Variants in ESRRB observed in about 807,000 individuals in gnomAD.
The protein encoded by ESRRB is estrogen related receptor beta, also known as steroid hormone receptor ERR2.
A neutral mutation model predicts 46.0 loss-of-function variants in ESRRB; 16 were observed. The ratio of observed to expected loss-of-function variants is 0.35; its 90% confidence interval spans 0.24 to 0.53. The LOEUF (loss-of-function observed/expected upper bound fraction) is 0.53, where lower values mean the gene tolerates loss of function less well. Ranked by LOEUF, ESRRB falls within the 20% of genes least tolerant of loss-of-function variation. The pLI, the probability that ESRRB is intolerant of heterozygous loss-of-function variation, is 0.93. For synonymous variants in ESRRB, 246 were observed against 259.6 expected (o/e 0.95, Z 0.50); for missense variants, 488 against 607.4 (o/e 0.80, Z 2.07).
chr14:76,470,618 G>A (rs973154194), intron 3 of ESRRB, among the ~76,000 whole-genome samples: 4 of 152,228 alleles, frequency 2.6e-5, no homozygotes, highest in South Asian at 2.1e-4. Context: ...CAGCTAAAAC[G>A]TTGTTGGTAT....
chr14:76,466,454 TA>T (rs1373861813), intron 3 of ESRRB, among the ~76,000 whole-genome samples: 1 of 152,134 alleles, frequency 6.6e-6, no homozygotes, highest in Admixed American at 6.6e-5. Flanking sequence ...CTCAGGGATC[TA>T]AGCTTTTCAG....
intron 2 of ESRRB, among the ~76,000 whole-genome samples, chr14:76,448,508 T>TC (rs1888249117): frequency 6.6e-6 from 1 of 150,692 alleles, no homozygotes; most frequent in South Asian, 2.1e-4. Context: ...TTGTATTTTT[T>TC]TTTTTTTAGT....
chr14:76,422,971 T>C (rs1887035554), intron 1 of ESRRB, among the ~76,000 whole-genome samples: 1 of 152,182 alleles, frequency 6.6e-6, no homozygotes, highest in Non-Finnish European at 1.5e-5. Context: ...ACGAATTACA[T>C]TGATTTTGTG....
intron 2 of ESRRB, among the ~76,000 whole-genome samples, chr14:76,449,513 G>T (rs922168717): frequency 1.1e-4 from 16 of 151,616 alleles, no homozygotes; most frequent in Middle Eastern, 3.4e-3. Flanking sequence ...ATCACACACT[G>T]CACTCCAGCC....
chr14:76,365,212 C>T (rs1398266158), intron 1 of ESRRB, among the ~76,000 whole-genome samples: 3 of 152,212 alleles, frequency 2.0e-5, no homozygotes, highest in Non-Finnish European at 4.4e-5. Context: ...TGGTGGCTCA[C>T]GCCTGTCATC....
upstream of ESRRB, among the ~76,000 whole-genome samples, chr14:76,372,065 G>C (rs1297618484): frequency 6.6e-6 from 1 of 152,184 alleles, no homozygotes; most frequent in Non-Finnish European, 1.5e-5. Context: ...GAGTTGCTGT[G>C]CTGGGTTAGA....
rs1889838007 is a variant in ESRRB, at chr14:76,482,267, A to G, written c.688+141A>G. The G allele has an allele frequency of 6.7e-6, 5 of 748,934 alleles. No homozygotes were observed. Among genetic ancestry groups the G allele is most frequent in the Non-Finnish European group, 1.2e-5 (5 of 429,752 alleles). 46.4% of individuals were successfully genotyped at this position (748,934 alleles called of 1,614,324 possible). A position where few individuals can be genotyped will look rare whatever the true frequency, so the allele number is the denominator to read the frequency against. On this transcript the variant is annotated intron_variant, in intron 4 of 6. Transcript: ENST00000644823. The surrounding 1 kb of genome is among the most constrained non-coding windows in gnomAD (Gnocchi z 4.3). ...GGGAGGTGACATCAGTGCCTGGCAC[A>G]TTTAGAATGTGGCTCCAAATGAAGC... is the stretch of plus-strand genomic sequence containing the variant.
At chr14:76,345,125 G>A (rs137919118) in intron 1 of ESRRB, among the ~76,000 whole-genome samples, 27 of 152,224 alleles carry the variant, frequency 1.8e-4, no homozygotes, top group Non-Finnish European at 3.8e-4. Flanking sequence ...CTAGACATTC[G>A]CTTAGGTAAA....
At chr14:76,356,408 A>G (rs901167231) in intron 1 of ESRRB, among the ~76,000 whole-genome samples, 1 of 152,238 alleles carries the variant, frequency 6.6e-6, no homozygotes, top group Non-Finnish European at 1.5e-5. Context: ...TTTACAGATA[A>G]GGAGACTGCG....
chr14:76,321,130 AT>A lies in ESRRB; in HGVS notation c.2+10216del, dbSNP rs1407702079. 2.0e-5 allele frequency among the ~76,000 whole-genome samples: 3 copies of A among 152,198 alleles called. No individual in the cohort carries two copies. The East Asian group carries it at 5.8e-4, about 29-fold the overall frequency. On this transcript the variant is annotated intron_variant, in intron 1 of 6. Coordinates refer to the ESRRB transcript ENST00000512784. ...ACTGTGTCTAACTTATTTCTTACATATTCTCCCGTAAGTCCTTAACTCTATT... is the reference window on the plus strand; with the variant it reads ...ACTGTGTCTAACTTATTTCTTACATATCTCCCGTAAGTCCTTAACTCTATT...
chr14:76,373,782 T>C (rs1354773234), upstream of ESRRB, among the ~76,000 whole-genome samples: 3 of 152,218 alleles, frequency 2.0e-5, no homozygotes, highest in Non-Finnish European at 4.4e-5. Context: ...GACAATCAGC[T>C]AGTGCCCAGA....
chr14:76,454,030 T>C (rs1387889759), intron 2 of ESRRB, among the ~76,000 whole-genome samples: 2 of 152,140 alleles, frequency 1.3e-5, no homozygotes, highest in Non-Finnish European at 2.9e-5. Context: ...CCAGAGTTGA[T>C]TAAATACACA....
intron 1 of ESRRB, among the ~76,000 whole-genome samples, chr14:76,437,178 G>T (rs778369976): frequency 2.0e-5 from 3 of 152,016 alleles, no homozygotes; most frequent in African/African-American, 7.2e-5. Context: ...ACTACAGGCC[G>T]GCGCCACCAT....
At position 76,332,721 on chromosome 14, in the gene ESRRB, ATATATATTTATATAT is replaced by A. The variant is rs1420900381; in HGVS notation, c.2+21828_2+21842del. On this transcript the variant is annotated intron_variant, in intron 1 of 6. Transcript: ENST00000512784. ...TATATATTATATATATTTATATATT[ATATATATTTATATAT>A]TATATATTTATATATTATATATAAA... is the stretch of plus-strand genomic sequence containing the variant. Among the ~76,000 whole-genome samples, 54 of 25,172 alleles carry A rather than the reference ATATATATTTATATAT, an allele frequency of 2.1e-3. 1 individual carries two copies. Among genetic ancestry groups the A allele is most frequent in the African/African-American group, 0.01 (50 of 4,800 alleles). The allele number at this position is 25,172 out of a possible 152,430, so 16.5% of individuals were successfully genotyped here.
intron 1 of ESRRB, among the ~76,000 whole-genome samples, chr14:76,388,465 G>A (rs977798547): frequency 5.9e-5 from 9 of 152,004 alleles, no homozygotes; most frequent in African/African-American, 1.2e-4. Context: ...GATTACAGGC[G>A]TGAGCCACTG....
At chr14:76,375,829 C>T (rs1415756194), upstream of ESRRB, among the ~76,000 whole-genome samples, 1 of 152,094 alleles carries the variant, frequency 6.6e-6, no homozygotes, top group Non-Finnish European at 1.5e-5. Context: ...AGGGGTGGCC[C>T]GGGGGGTATG....
At chr14:76,470,207 C>T (rs909912700) in intron 3 of ESRRB, among the ~76,000 whole-genome samples, 5 of 152,114 alleles carry the variant, frequency 3.3e-5, no homozygotes, top group Non-Finnish European at 5.9e-5. Context: ...GCCTTGGCCT[C>T]CCAAAGTGTT....
chr14:76,446,239 A>C (rs1220964595), intron 2 of ESRRB, among the ~76,000 whole-genome samples: 4 of 152,192 alleles, frequency 2.6e-5, no homozygotes, highest in African/African-American at 9.7e-5. Flanking sequence ...CCTCTGCACT[A>C]CATTGAACTA....
At chr14:76,369,556 G>A (rs961206735), upstream of ESRRB, among the ~76,000 whole-genome samples, 37 of 152,076 alleles carry the variant, frequency 2.4e-4, 2 homozygotes, top group Admixed American at 2.2e-3. Flanking sequence ...TTATAGGCAC[G>A]AGCCACCACG....
Sources: gnomAD v4.1 joint callset for allele counts (sites outside exome capture counted in the v4.1 genomes callset) on GRCh38, gnomAD v4.1.1 for gene constraint, Gnocchi (gnomAD v3.1) non-coding constraint, MANE v1.5 for transcripts, NCBI Gene and HGNC (gene_info 2026-07-23, HGNC 2026-07-21) for gene names.